Variants in ZNF804B observed in about 807,000 individuals in gnomAD.
The protein encoded by ZNF804B is zinc finger protein 804B, also known as zinc finger 804B.
ZNF804B carries 80 observed loss-of-function variants against 101.4 expected under a neutral mutation model. The observed-to-expected ratio is 0.79, with a 90% CI of 0.66 to 0.95. The LOEUF (loss-of-function observed/expected upper bound fraction) is 0.95, where lower values mean the gene tolerates loss of function less well. ZNF804B is among the 40% of genes least tolerant of loss of function. The pLI is 0.00. For synonymous variants in ZNF804B, 622 were observed against 558.8 expected, an observed-to-expected ratio of 1.11 and a Z score of -1.59; for missense variants, 1,673 against 1,561.9, an observed-to-expected ratio of 1.07 and a Z score of -1.20.
chr7:89,018,749 T>G (rs1788611811), intron 1 of ZNF804B, among the ~76,000 whole-genome samples: 1 of 152,054 alleles, frequency 6.6e-6, no homozygotes. Context: ...GTCCAGAAAT[T>G]TACTTTTTCT....
At chr7:89,031,193 A>G (rs906604316) in intron 1 of ZNF804B, among the ~76,000 whole-genome samples, 3 of 116,356 alleles carry the variant, frequency 2.6e-5, no homozygotes, top group African/African-American at 8.6e-5. Flanking sequence ...ATGTGTATAT[A>G]TATATATGTG....
chr7:88,775,427 G>T (rs574985208), intron 1 of ZNF804B, among the ~76,000 whole-genome samples: 1 of 152,292 alleles, frequency 6.6e-6, no homozygotes, highest in African/African-American at 2.4e-5. Flanking sequence ...ATCATCTCAA[G>T]TAGATAGATA....
chr7:88,849,377 G>A (rs961055440), intron 1 of ZNF804B, among the ~76,000 whole-genome samples: 1 of 151,756 alleles, frequency 6.6e-6, no homozygotes, highest in South Asian at 2.1e-4. Flanking sequence ...AGGAATTGAA[G>A]ATTAAGAAAA....
chr7:88,995,814 A>G (rs1334812663), intron 1 of ZNF804B, among the ~76,000 whole-genome samples: 1 of 152,030 alleles, frequency 6.6e-6, no homozygotes, highest in Non-Finnish European at 1.5e-5. Flanking sequence ...TGCCTTTGTT[A>G]TGTTGTTATG....
chr7:89,296,803 G>T (rs2115910403), intron 2 of ZNF804B, among the ~76,000 whole-genome samples: 1 of 152,118 alleles, frequency 6.6e-6, no homozygotes, highest in South Asian at 2.1e-4. Flanking sequence ...AACTTAATAG[G>T]TAATTCTGTA....
chr7:88,923,585 T>C (rs1792754449), intron 1 of ZNF804B, among the ~76,000 whole-genome samples: 4 of 152,110 alleles, frequency 2.6e-5, no homozygotes, highest in Admixed American at 2.6e-4. Context: ...TGGTTGACAA[T>C]GTTTGCCTTC....
intron 1 of ZNF804B, among the ~76,000 whole-genome samples, chr7:88,772,997 C>A (rs1032550361): frequency 2.0e-4 from 31 of 152,136 alleles, no homozygotes; most frequent in African/African-American, 7.5e-4. Flanking sequence ...CTGAATAACA[C>A]TTAGATGGAC....
At chr7:89,254,306 C>T (rs1036482495) in intron 2 of ZNF804B, among the ~76,000 whole-genome samples, 33 of 151,696 alleles carry the variant, frequency 2.2e-4, no homozygotes, top group African/African-American at 7.2e-4. Context: ...TTTTAGATAA[C>T]AGTAAAAATC....
At chr7:89,114,489 T>C (rs1344689795) in intron 1 of ZNF804B, among the ~76,000 whole-genome samples, 2 of 152,186 alleles carry the variant, frequency 1.3e-5, no homozygotes, top group Non-Finnish European at 2.9e-5. Context: ...TTTGTACAAA[T>C]CTCACATAGA....
At chr7:89,016,930 A>G (rs913215111) in intron 1 of ZNF804B, among the ~76,000 whole-genome samples, 3 of 152,146 alleles carry the variant, frequency 2.0e-5, no homozygotes, top group Non-Finnish European at 4.4e-5. Flanking sequence ...CCTTGGCATT[A>G]TGGCCGTTTT....
chr7:89,157,532 A>T (rs1028020526), intron 1 of ZNF804B, among the ~76,000 whole-genome samples: 2 of 152,172 alleles, frequency 1.3e-5, no homozygotes, highest in African/African-American at 4.8e-5. Flanking sequence ...GATTTTATAA[A>T]AGTGATCAGG....
intron 2 of ZNF804B, among the ~76,000 whole-genome samples, chr7:89,258,995 T>C (rs775687460): frequency 3.3e-5 from 5 of 152,146 alleles, no homozygotes; most frequent in Non-Finnish European, 5.9e-5. Flanking sequence ...TTTTGCTTTT[T>C]CATTTCTAAA....
chr7:89,179,699 G>T (rs888429794), intron 1 of ZNF804B, among the ~76,000 whole-genome samples: 1 of 152,130 alleles, frequency 6.6e-6, no homozygotes, highest in Admixed American at 6.5e-5. Context: ...GATGCTTGTG[G>T]GTGTTCATCA....
intron 1 of ZNF804B, among the ~76,000 whole-genome samples, chr7:89,063,354 A>G (rs1253552518): frequency 6.6e-6 from 1 of 152,156 alleles, no homozygotes; most frequent in Non-Finnish European, 1.5e-5. Context: ...CTCATAGTCT[A>G]TGGTTTCAAA....
chr7:88,932,414 T>C (rs1792900573), intron 1 of ZNF804B, among the ~76,000 whole-genome samples: 2 of 150,826 alleles, frequency 1.3e-5, no homozygotes, highest in Admixed American at 1.3e-4. Context: ...CAAAAATAAA[T>C]GAAATTGAAA....
chr7:89,041,382 C>A (rs1028080344), intron 1 of ZNF804B, among the ~76,000 whole-genome samples: 2 of 152,064 alleles, frequency 1.3e-5, no homozygotes, highest in Admixed American at 1.3e-4. Context: ...GATCCTGGGC[C>A]CACAGTGGCC....
At chr7:89,272,623 T>C (rs1342799376) in intron 2 of ZNF804B, among the ~76,000 whole-genome samples, 1 of 152,090 alleles carries the variant, frequency 6.6e-6, no homozygotes, top group Non-Finnish European at 1.5e-5. Flanking sequence ...GTTTTCCCGC[T>C]ACCCCTTTAT....
At chr7:88,799,526 A>G (rs4727185) in intron 1 of ZNF804B, among the ~76,000 whole-genome samples, 69,502 of 151,670 alleles carry the variant, frequency 0.46, 18,479 homozygotes, top group East Asian at 0.81. Flanking sequence ...CTCTGGAACC[A>G]AAGGATACCT....
intron 1 of ZNF804B, among the ~76,000 whole-genome samples, chr7:88,854,633 T>C (rs1034754375): frequency 1.3e-5 from 2 of 149,330 alleles, no homozygotes; most frequent in African/African-American, 5.0e-5. Flanking sequence ...CTTTCAGTTT[T>C]TGGGTACATG....
Sources: gnomAD v4.1 joint callset for allele counts (sites outside exome capture counted in the v4.1 genomes callset) on GRCh38, gnomAD v4.1.1 for gene constraint, MANE v1.5 for transcripts, NCBI Gene and HGNC (gene_info 2026-07-23, HGNC 2026-07-21) for gene names.